The following AFF1 variants were observed in gnomAD, a reference collection of about 807,000 sequenced individuals.
AFF1 encodes AF4/FMR2 family member 1.
Under a neutral mutation model 121.7 loss-of-function variants are expected in AFF1, and 48 were observed. The observed-to-expected ratio is 0.39, with a 90% confidence interval of 0.31 to 0.50. AFF1 has a LOEUF of 0.50. AFF1 is among the 20% of genes least tolerant of loss of function. The probability of loss-of-function intolerance (pLI) is 0.76; values close to 1 mark genes in which losing one functional copy is unlikely to be tolerated. For missense variants in AFF1, 1,523 were observed against 1,511.7 expected (o/e 1.01, Z -0.12); for synonymous variants, 613 against 563.0 (o/e 1.09, Z -1.26).
At chr4:87,047,890 A>T in intron 4 of AFF1, 1 of 431,064 alleles carries the variant, frequency 2.3e-6, no homozygotes, top group South Asian at 2.2e-5. Context: ...GTTTCAAAAA[A>T]TAGATACACC....
chr4:87,011,701 A>C (rs559988426), intron 2 of AFF1, among the ~76,000 whole-genome samples: 1 of 152,326 alleles, frequency 6.6e-6, no homozygotes, highest in East Asian at 1.9e-4. Flanking sequence ...CATTGTAAAC[A>C]GTGTCCTTGA....
In AFF1 at chr4:86,956,193, A is replaced by G. The variant is rs1007384832; in HGVS notation, c.38+7622A>G. 2.0e-5 allele frequency among the ~76,000 whole-genome samples: 3 copies of G among 152,204 alleles called. No homozygotes were observed. The South Asian group carries it at 6.2e-4, about 31-fold the overall frequency. On this transcript the variant is annotated intron_variant, in intron 2 of 20. Transcript: ENST00000395146. ...AGTGCAATAATATTTCTTATACAAAACACCTTGTTTTCCCTCATTTTAGAA... is the reference window on the plus strand; with the variant it reads ...AGTGCAATAATATTTCTTATACAAAGCACCTTGTTTTCCCTCATTTTAGAA...
intron 2 of AFF1, chr4:87,007,013 T>C: frequency 8.9e-7 from 1 of 1,118,272 alleles, no homozygotes; most frequent in Non-Finnish European, 1.1e-6. Context: ...TTTCTAACTG[T>C]GGCCCGCGTT....
intron 2 of AFF1, among the ~76,000 whole-genome samples, chr4:87,036,366 A>C (rs1729563875): frequency 6.6e-6 from 1 of 152,208 alleles, no homozygotes; most frequent in Admixed American, 6.5e-5. Context: ...ATTAACCCCT[A>C]GCTGTAGATT....
intron 2 of AFF1, among the ~76,000 whole-genome samples, chr4:86,989,407 G>A (rs112075797): frequency 0.042 from 6,338 of 152,232 alleles, 426 homozygotes; most frequent in African/African-American, 0.14. Flanking sequence ...ACATTTATGC[G>A]GCCAACAAAC....
intron 2 of AFF1, among the ~76,000 whole-genome samples, chr4:86,981,436 C>T (rs540297638): frequency 8.0e-4 from 122 of 152,112 alleles, no homozygotes; most frequent in African/African-American, 2.8e-3. Flanking sequence ...GGTGTGATCG[C>T]GGCTCACTGT....
chr4:87,135,282 A>G (rs1729204449), intron 20 of AFF1, among the ~76,000 whole-genome samples: 1 of 152,188 alleles, frequency 6.6e-6, no homozygotes, highest in African/African-American at 2.4e-5. Flanking sequence ...TCAAACTGAT[A>G]ATGCTTTTAA....
chr4:87,086,789 T>C (rs760884849), intron 5 of AFF1, among the ~76,000 whole-genome samples: 75 of 152,322 alleles, frequency 4.9e-4, no homozygotes, highest in South Asian at 2.3e-3. Context: ...ACCAGCAATT[T>C]ATTAAGATTG....
At chr4:87,100,416 A>C (rs748181448) in intron 8 of AFF1, among the ~76,000 whole-genome samples, 59 of 152,036 alleles carry the variant, frequency 3.9e-4, no homozygotes, top group Non-Finnish European at 7.8e-4. Context: ...TGGTGTTGTG[A>C]TGACTCTCCC....
In AFF1 at chr4:87,127,060, T is replaced by C; in HGVS notation, c.2846T>C (p.Val949Ala). Residue 949 changes from valine (V) to alanine (A), a missense_variant, in exon 15 of 21, where the codon GTG (valine) becomes GCG (alanine). By Grantham distance (64) the Val-to-Ala change is moderately conservative (BLOSUM62 0). Around this residue, in one of 5 missense-constraint regions of AFF1, gnomAD observed 905 missense variants for 842.5 expected, o/e 1.07. Coordinates refer to ENST00000395146, the MANE Select transcript of AFF1 (RefSeq NM_001166693.3). Reference protein sequence around the residue: ...SSGDTANPFPVPSLPNGNSKP... With the variant: ...SSGDTANPFPAPSLPNGNSKP... The stretch of plus-strand genomic sequence containing the variant: ...GGAGATACTGCAAATCCTTTTCCAG[T>C]GCCTTCTTTGCCAAATGGTAACTCT... The C allele has an allele frequency of 6.2e-7, 1 of 1,613,954 alleles. No individual in the cohort carries two copies. The highest frequency in any genetic ancestry group is 1.6e-4 in the Middle Eastern group (1 of 6,062).
intron 2 of AFF1, among the ~76,000 whole-genome samples, chr4:86,954,510 C>G (rs1721601585): frequency 6.6e-6 from 1 of 152,088 alleles, no homozygotes; most frequent in Non-Finnish European, 1.5e-5. Context: ...CTGCTTGAGT[C>G]CAGGAATTCA....
intron 1 of AFF1, among the ~76,000 whole-genome samples, chr4:86,948,236 TC>T (rs1327596276): frequency 6.6e-6 from 1 of 152,120 alleles, no homozygotes; most frequent in Non-Finnish European, 1.5e-5. Flanking sequence ...CCTTTTCTCC[TC>T]CCCCTCCTCC....
chr4:86,982,979 G>T (rs1723899031), intron 2 of AFF1, among the ~76,000 whole-genome samples: 1 of 151,760 alleles, frequency 6.6e-6, no homozygotes, highest in Non-Finnish European at 1.5e-5. Context: ...CTTGTGCCTT[G>T]CTCTTGGACT....
At chr4:86,964,412 G>A (rs927040678) in intron 2 of AFF1, among the ~76,000 whole-genome samples, 19 of 150,472 alleles carry the variant, frequency 1.3e-4, no homozygotes, top group Admixed American at 7.3e-4. Context: ...ACCGCACCCA[G>A]CCGCCTGGGT....
intron 2 of AFF1, among the ~76,000 whole-genome samples, chr4:86,985,058 CTG>C (rs1262353857): frequency 2.0e-5 from 3 of 150,026 alleles, no homozygotes; most frequent in African/African-American, 7.4e-5. Flanking sequence ...GTTTAAAACA[CTG>C]TAATCCTAAA....
rs757831141 is a variant in AFF1, at chr4:87,046,263, C to A, written c.136C>A (p.Pro46Thr). The change falls in exon 3 of 21, where the codon CCC becomes ACC. Residue 46 changes from proline to threonine, a missense_variant. Around this residue, in one of 5 missense-constraint regions of AFF1, gnomAD observed 369 missense variants for 367.2 expected, o/e 1.00. Coordinates refer to ENST00000395146, the MANE Select transcript of AFF1 (RefSeq NM_001166693.3). The part of the protein sequence containing the change: ...QEKEAFPEKI[P>T]LFGEPYKTAK... ...GAAAGAGGCATTTCCTGAAAAGATTCCCCTTTTTGGAGAGCCCTACAAGGT... is the reference window on the plus strand; with the variant it reads ...GAAAGAGGCATTTCCTGAAAAGATTACCCTTTTTGGAGAGCCCTACAAGGT... 1.2e-6 allele frequency: 2 copies of A among 1,613,516 alleles called. No homozygotes were observed. Among genetic ancestry groups the A allele is most frequent in the East Asian group, 4.5e-5 (2 of 44,884 alleles).
chr4:86,994,682 TGAAGGATAAGCTATCAGA>T (rs1373116020), intron 2 of AFF1, among the ~76,000 whole-genome samples: 2 of 151,932 alleles, frequency 1.3e-5, no homozygotes, highest in Non-Finnish European at 2.9e-5. Context: ...TTAGGTAGAG[TGAAGGATAAGCTATCAGA>T]GAAGGCTTCT....
intron 2 of AFF1, among the ~76,000 whole-genome samples, chr4:86,996,519 G>GA (rs1282435343): frequency 2.6e-5 from 4 of 151,316 alleles, no homozygotes; most frequent in African/African-American, 7.3e-5. Context: ...ACAGATGCTT[G>GA]AAGGCAGCAT....
chr4:87,036,131 G>A (rs1425727082), intron 2 of AFF1, among the ~76,000 whole-genome samples: 1 of 152,164 alleles, frequency 6.6e-6, no homozygotes, highest in Non-Finnish European at 1.5e-5. Flanking sequence ...CTCACCAGGG[G>A]CCTTTACAAC....
Sources: allele counts gnomAD v4.1 joint callset (sites outside exome capture counted in the v4.1 genomes callset), GRCh38; gene constraint gnomAD v4.1.1; regional missense constraint gnomAD v4.1.1; transcripts MANE v1.5; gene names NCBI Gene and HGNC (gene_info 2026-07-23, HGNC 2026-07-21).